Variants in RBFOX1 observed in about 807,000 individuals in gnomAD.
The protein encoded by RBFOX1 is RNA binding protein fox-1 homolog 1.
In RBFOX1, 8 loss-of-function variants were observed where a neutral mutation model predicts 57.7. That is an observed-to-expected ratio of 0.14 (90% CI 0.08 to 0.25). The LOEUF is 0.25. RBFOX1 is among the 10% of genes least tolerant of loss of function. The pLI, the probability that RBFOX1 is intolerant of heterozygous loss-of-function variation, is 1.00. For synonymous variants in RBFOX1, 326 were observed against 222.4 expected (o/e 1.47, Z -4.15); for missense variants, 611 against 548.5 (o/e 1.11, Z -1.14).
At chr16:6,487,745 ATATATATAT>A (rs1567405919) in intron 2 of RBFOX1, among the ~76,000 whole-genome samples, 37 of 71,438 alleles carry the variant, frequency 5.2e-4, no homozygotes, top group African/African-American at 1.1e-3. Flanking sequence ...ATATATATAT[ATATATATAT>A]AAAATATTAT....
intron 4 of RBFOX1, among the ~76,000 whole-genome samples, chr16:7,417,934 C>T (rs774635782): frequency 1.3e-5 from 2 of 152,048 alleles, no homozygotes; most frequent in Non-Finnish European, 2.9e-5. Context: ...GATTAGGTAC[C>T]CTGTTGGCCC....
At chr16:5,676,748 C>T (rs1386516597) in intron 3 of RBFOX1, among the ~76,000 whole-genome samples, 4 of 152,206 alleles carry the variant, frequency 2.6e-5, no homozygotes, top group African/African-American at 9.6e-5. Flanking sequence ...TGCAATTCCA[C>T]CTACTTAGGA....
chr16:7,195,523 C>G (rs891267733), intron 4 of RBFOX1, among the ~76,000 whole-genome samples: 33 of 152,244 alleles, frequency 2.2e-4, no homozygotes, highest in African/African-American at 7.9e-4. Context: ...ACCTACGATG[C>G]TTGCTCTTGC....
At chr16:7,335,612 A>G (rs1199252916) in intron 4 of RBFOX1, among the ~76,000 whole-genome samples, 5 of 145,142 alleles carry the variant, frequency 3.4e-5, no homozygotes, top group East Asian at 2.0e-4. Context: ...AAAAAAAACC[A>G]AGTGATTTAC....
At chr16:6,858,883 G>C (rs1332400309) in intron 3 of RBFOX1, among the ~76,000 whole-genome samples, 1 of 151,698 alleles carries the variant, frequency 6.6e-6, no homozygotes, top group Admixed American at 6.6e-5. Flanking sequence ...CTGAAGCTCA[G>C]CTATAACTAC....
Position 6,111,325 on chromosome 16 carries a change from T to C in RBFOX1, c.-127+91333T>C, listed in dbSNP as rs942448305. On this transcript the variant is annotated intron_variant, in intron 1 of 15. Coordinates refer to ENST00000550418, the MANE Select transcript of RBFOX1 (RefSeq NM_018723.4). The stretch of plus-strand genomic sequence containing the variant: ...CTCTGTCTCAAGACTCAATCAGCTA[T>C]CTTGTTAGAACTAGTTTTATGGTGA... 3.9e-5 allele frequency among the ~76,000 whole-genome samples: 6 copies of C among 152,316 alleles called. No individual in the cohort carries two copies. In the South Asian group the frequency reaches 1.2e-3, roughly 32 times the overall value.
chr16:7,429,502 T>C (rs1323534730), intron 4 of RBFOX1, among the ~76,000 whole-genome samples: 1 of 152,222 alleles, frequency 6.6e-6, no homozygotes, highest in East Asian at 1.9e-4. Flanking sequence ...TCTGCAATGA[T>C]ATTACCTTGA....
chr16:7,313,105 A>T (rs922454265), intron 4 of RBFOX1, among the ~76,000 whole-genome samples: 1 of 152,088 alleles, frequency 6.6e-6, no homozygotes, highest in Non-Finnish European at 1.5e-5. Context: ...CTTCCACATC[A>T]CTCTTCATCC....
chr16:6,916,997 A>G (rs2073338394), intron 3 of RBFOX1, among the ~76,000 whole-genome samples: 1 of 152,000 alleles, frequency 6.6e-6, no homozygotes, highest in South Asian at 2.1e-4. Context: ...TTACACATGC[A>G]TGCCATCACA....
At chr16:6,723,276 C>T (rs1003620828) in intron 3 of RBFOX1, among the ~76,000 whole-genome samples, 1 of 152,168 alleles carries the variant, frequency 6.6e-6, no homozygotes, top group African/African-American at 2.4e-5. Flanking sequence ...TGTTTCTTAC[C>T]TGGACAATCA....
At chr16:6,875,283 T>A (rs912540938) in intron 3 of RBFOX1, among the ~76,000 whole-genome samples, 1 of 152,216 alleles carries the variant, frequency 6.6e-6, no homozygotes, top group African/African-American at 2.4e-5. Flanking sequence ...GTCTAAACAA[T>A]ACAACTCGTT....
In RBFOX1 at chr16:5,936,792, C is replaced by T. The variant is rs535443541; in HGVS notation, c.351+69457C>T. On this transcript the variant is annotated intron_variant, in intron 4 of 19. Coordinates refer to the RBFOX1 transcript ENST00000641259. Reference sequence around the variant, plus strand: ...ATACAAGGGTCAATTGTTTCTGCAGCAGAGACAGCACATGCCAAGACAAGA... The same window carrying T: ...ATACAAGGGTCAATTGTTTCTGCAGTAGAGACAGCACATGCCAAGACAAGA... 1.1e-3 allele frequency among the ~76,000 whole-genome samples: 171 copies of T among 152,138 alleles called. 1 individual carries two copies. Among genetic ancestry groups the T allele is most frequent in the Non-Finnish European group, 2.0e-3 (139 of 68,038 alleles).
intron 5 of RBFOX1, among the ~76,000 whole-genome samples, chr16:7,554,968 A>G (rs1276072650): frequency 6.6e-6 from 1 of 152,216 alleles, no homozygotes; most frequent in Non-Finnish European, 1.5e-5. Context: ...AAGGAAATGA[A>G]TATTATGTTT....
At chr16:5,300,792 G>A (rs955250100) in intron 1 of RBFOX1, among the ~76,000 whole-genome samples, 1 of 152,104 alleles carries the variant, frequency 6.6e-6, no homozygotes, top group African/African-American at 2.4e-5. Context: ...ATCAATGACA[G>A]TTTTGAAAAA....
chr16:6,244,749 C>T (rs1384596210), intron 1 of RBFOX1, among the ~76,000 whole-genome samples: 1 of 152,132 alleles, frequency 6.6e-6, no homozygotes, highest in Non-Finnish European at 1.5e-5. Context: ...ACCTCGTGAT[C>T]CACCTTCCTT....
chr16:5,554,193 A>T (rs1053177908), intron 2 of RBFOX1, among the ~76,000 whole-genome samples: 3 of 151,632 alleles, frequency 2.0e-5, no homozygotes, highest in African/African-American at 7.3e-5. Context: ...CTGGTCTAGA[A>T]CTCCTGACCT....
chr16:6,118,592 C>T (rs2096523489), intron 1 of RBFOX1, among the ~76,000 whole-genome samples: 1 of 151,734 alleles, frequency 6.6e-6, no homozygotes, highest in Admixed American at 6.6e-5. Flanking sequence ...TCCTTCTCTC[C>T]CTCTCTTTCT....
intron 3 of RBFOX1, among the ~76,000 whole-genome samples, chr16:6,658,450 G>A (rs1012262745): frequency 3.0e-4 from 45 of 152,012 alleles, no homozygotes; most frequent in African/African-American, 1.0e-3. Flanking sequence ...CTCGTGATCC[G>A]CCTGCTTCAG....
At chr16:6,499,733 G>A (rs187232477) in intron 2 of RBFOX1, among the ~76,000 whole-genome samples, 21 of 152,124 alleles carry the variant, frequency 1.4e-4, no homozygotes, top group Admixed American at 3.9e-4. Flanking sequence ...GTGCAATCTC[G>A]TAGGGCAAAC....
Sources: gnomAD v4.1 joint callset for allele counts (sites outside exome capture counted in the v4.1 genomes callset) on GRCh38, gnomAD v4.1.1 for gene constraint, MANE v1.5 for transcripts, NCBI Gene and HGNC (gene_info 2026-07-23, HGNC 2026-07-21) for gene names.